C8orf34: variants seen among roughly 807,000 people sequenced by gnomAD.
C8orf34 encodes chromosome 8 open reading frame 34, also known as uncharacterized protein C8orf34.
In C8orf34, 65 loss-of-function variants were observed where a neutral mutation model predicts 68.3. The ratio of observed to expected loss-of-function variants is 0.95; its 90% CI spans 0.78 to 1.17. The LOEUF is 1.17. C8orf34 is among the 50% of genes most tolerant of loss of function. The pLI is 0.00. For synonymous variants in C8orf34, 244 were observed against 241.2 expected (o/e 1.01, Z -0.11); for missense variants, 664 against 655.4 (o/e 1.01, Z -0.14).
At chr8:68,384,438 G>T (rs539547233) in intron 1 of C8orf34, among the ~76,000 whole-genome samples, 1 of 152,122 alleles carries the variant, frequency 6.6e-6, no homozygotes, top group Non-Finnish European at 1.5e-5. Flanking sequence ...TCTGCTTCTG[G>T]GTCTGCGCTT....
Position 68,418,572 on chromosome 8 carries a change from G to A in C8orf34, c.328-20927G>A, listed in dbSNP as rs1206625399. Reference sequence around the variant, plus strand: ...GATAATCATGTGGTTTTTGTCTTTGGTTCTGTTTATATGCTGGATTACAGT... The same window carrying A: ...GATAATCATGTGGTTTTTGTCTTTGATTCTGTTTATATGCTGGATTACAGT... On this transcript the variant is annotated intron_variant, in intron 1 of 13. Transcript: ENST00000518698. Among the ~76,000 whole-genome samples, 5 of 152,156 alleles carry A rather than the reference G, an allele frequency of 3.3e-5. No individual in the cohort carries two copies. The South Asian group carries it at 1.0e-3, about 32-fold the overall frequency.
chr8:68,643,178 T>C (rs1238103403), intron 8 of C8orf34, among the ~76,000 whole-genome samples: 1 of 152,222 alleles, frequency 6.6e-6, no homozygotes, highest in African/African-American at 2.4e-5. Flanking sequence ...TGTCTCCCAT[T>C]GCTACTTTGG....
At position 68,361,819 on chromosome 8, in the gene C8orf34, T is replaced by A. The variant is rs529421208; in HGVS notation, c.327+30480T>A. ...TAAAGGCATACAAAATAGCATGGTC[T>A]ACAGAACTGTGAAATAATTTTTGTT... On this transcript the variant is annotated intron_variant, in intron 1 of 13. Transcript: ENST00000518698. Among the ~76,000 whole-genome samples, 3 of 152,368 alleles carry A rather than the reference T, an allele frequency of 2.0e-5. 1 individual carries two copies. Among genetic ancestry groups the A allele is most frequent in the African/African-American group, 7.2e-5 (3 of 41,598 alleles).
At chr8:68,781,385 G>C (rs1823675588) in intron 11 of C8orf34, among the ~76,000 whole-genome samples, 1 of 152,126 alleles carries the variant, frequency 6.6e-6, no homozygotes. Flanking sequence ...ACCACTCCTA[G>C]TCCCTGTACA....
chr8:68,649,700 A>G (rs1819285468), intron 8 of C8orf34, among the ~76,000 whole-genome samples: 1 of 152,174 alleles, frequency 6.6e-6, no homozygotes, highest in Non-Finnish European at 1.5e-5. Context: ...TGTGATTCAT[A>G]GGGGAGGGAG....
At chr8:68,636,433 A>C (rs1360771127) in intron 7 of C8orf34, among the ~76,000 whole-genome samples, 1 of 151,948 alleles carries the variant, frequency 6.6e-6, no homozygotes, top group East Asian at 1.9e-4. Flanking sequence ...AAAATACAAA[A>C]AATTAGCCAG....
rs956037600 is a variant in C8orf34 at position 68,785,689 on chromosome 8, A to AT, written c.1456-1746dup. Among the ~76,000 whole-genome samples the AT allele has an allele frequency of 5.3e-5, 8 of 151,698 alleles. No homozygotes were observed. The South Asian group carries it at 6.2e-4, about 12-fold the overall frequency. ...CTTGGATTCCCCAACTTCCTAATTG[A>AT]TTTTTTTTCATTTGCATACATTAAA... On this transcript the variant is annotated intron_variant, in intron 11 of 13. Coordinates refer to ENST00000518698, the MANE Select transcript of C8orf34 (RefSeq NM_052958.4).
chr8:68,387,724 A>G (rs1016469288), intron 1 of C8orf34, among the ~76,000 whole-genome samples: 1 of 152,200 alleles, frequency 6.6e-6, no homozygotes, highest in South Asian at 2.1e-4. Context: ...TGCAGAGCCA[A>G]AAGTAGTCAA....
chr8:68,554,504 G>A (rs1816189412), intron 7 of C8orf34, among the ~76,000 whole-genome samples: 1 of 152,106 alleles, frequency 6.6e-6, no homozygotes, highest in South Asian at 2.1e-4. Context: ...ATGAGGTACA[G>A]TCACTCTTTT....
chr8:68,494,665 G>A (rs1586255587), intron 5 of C8orf34, among the ~76,000 whole-genome samples: 2 of 152,058 alleles, frequency 1.3e-5, no homozygotes, highest in South Asian at 4.2e-4. Context: ...GACCAGCTTG[G>A]CCAACATGGT....
At chr8:68,394,826 A>G (rs1160596037) in intron 1 of C8orf34, among the ~76,000 whole-genome samples, 1 of 151,996 alleles carries the variant, frequency 6.6e-6, no homozygotes, top group Non-Finnish European at 1.5e-5. Flanking sequence ...TCAAGATTTC[A>G]CTCCAAAAGA....
At chr8:68,795,636 G>A (rs185929226) in intron 12 of C8orf34, among the ~76,000 whole-genome samples, 29 of 152,256 alleles carry the variant, frequency 1.9e-4, no homozygotes, top group African/African-American at 6.7e-4. Flanking sequence ...AGGTGTCAAG[G>A]CATTTTATGA....
At chr8:68,332,379 C>CTTGCCCCCGCCTTGCCCCCGCT (rs1805660106) in intron 1 of C8orf34, among the ~76,000 whole-genome samples, 1 of 150,860 alleles carries the variant, frequency 6.6e-6, no homozygotes, top group African/African-American at 2.4e-5. Context: ...TTGCCCCCGC[C>CTTGCCCCCGCCTTGCCCCCGCT]TTGCCCCCGC....
chr8:68,627,227 C>G (rs1372241733), intron 7 of C8orf34, among the ~76,000 whole-genome samples: 1 of 152,098 alleles, frequency 6.6e-6, no homozygotes, highest in African/African-American at 2.4e-5. Flanking sequence ...TTTCCTCACT[C>G]TGATTTCCAG....
chr8:68,756,692 G>GA (rs1485048154), intron 10 of C8orf34, among the ~76,000 whole-genome samples: 1 of 151,890 alleles, frequency 6.6e-6, no homozygotes, highest in Non-Finnish European at 1.5e-5. Flanking sequence ...TTATAAATTG[G>GA]AAAAATGTTA....
At chr8:68,720,662 A>G (rs1290847447) in intron 9 of C8orf34, among the ~76,000 whole-genome samples, 1 of 151,862 alleles carries the variant, frequency 6.6e-6, no homozygotes, top group African/African-American at 2.4e-5. Context: ...TCTTCAGCAC[A>G]GATTATTTCT....
chr8:68,623,831 A>G (rs1563569453), intron 7 of C8orf34, among the ~76,000 whole-genome samples: 1 of 152,034 alleles, frequency 6.6e-6, no homozygotes, highest in Non-Finnish European at 1.5e-5. Context: ...ATTATTCCCA[A>G]AGGGCCCACC....
At chr8:68,707,719 G>A (rs1156750378) in intron 8 of C8orf34, among the ~76,000 whole-genome samples, 2 of 152,066 alleles carry the variant, frequency 1.3e-5, no homozygotes, top group Admixed American at 6.6e-5. Flanking sequence ...GAGATTACAG[G>A]AGTGAGCCAC....
At chr8:68,705,336 A>G (rs2130947736) in intron 8 of C8orf34, among the ~76,000 whole-genome samples, 1 of 152,276 alleles carries the variant, frequency 6.6e-6, no homozygotes, top group African/African-American at 2.4e-5. Context: ...GATAGAGCTG[A>G]GGGAAAATAT....
Sources: gnomAD v4.1 joint callset for allele counts (sites outside exome capture counted in the v4.1 genomes callset) on GRCh38, gnomAD v4.1.1 for gene constraint, MANE v1.5 for transcripts, NCBI Gene and HGNC (gene_info 2026-07-23, HGNC 2026-07-21) for gene names.